The following ULK4 variants were observed in gnomAD, a reference collection of about 807,000 sequenced individuals.
ULK4 encodes the protein unc-51 like kinase 4.
ULK4 carries 133 observed loss-of-function variants against 160.6 expected under a neutral mutation model. The ratio of observed to expected loss-of-function variants is 0.83; its 90% CI spans 0.72 to 0.96. The LOEUF is 0.96. Among genes scored for constraint, ULK4 ranks in the 40% least tolerant of loss-of-function variants. The probability of loss-of-function intolerance (pLI) is 0.00; values close to 1 mark genes in which losing one functional copy is unlikely to be tolerated. For missense variants in ULK4, 1,580 were observed against 1,499.5 expected (o/e 1.05, Z -0.89); for synonymous variants, 534 against 539.8 (o/e 0.99, Z 0.15).
intron 32 of ULK4, among the ~76,000 whole-genome samples, chr3:41,476,695 T>A (rs2084157711): frequency 6.6e-6 from 1 of 152,178 alleles, no homozygotes; most frequent in South Asian, 2.1e-4. Context: ...GTGGCTTAGA[T>A]CAGCTCTGCT....
intron 17 of ULK4, among the ~76,000 whole-genome samples, chr3:41,862,623 G>GTT (rs1399695497): frequency 6.6e-6 from 1 of 152,204 alleles, no homozygotes; most frequent in East Asian, 1.9e-4. Context: ...CCCGTGCCCA[G>GTT]TAACACTGTA....
At chr3:41,648,443 A>G (rs1229961211) in intron 30 of ULK4, among the ~76,000 whole-genome samples, 1 of 152,250 alleles carries the variant, frequency 6.6e-6, no homozygotes, top group Non-Finnish European at 1.5e-5. Flanking sequence ...ACAAGGCCTT[A>G]GGACAATGTT....
chr3:41,747,149 A>G (rs1357182515), intron 22 of ULK4, among the ~76,000 whole-genome samples: 1 of 152,018 alleles, frequency 6.6e-6, no homozygotes, highest in East Asian at 1.9e-4. Context: ...AAAAAATGAT[A>G]AAGTGAACCC....
At chr3:41,750,043 C>T (rs1455819626) in intron 22 of ULK4, among the ~76,000 whole-genome samples, 1 of 152,190 alleles carries the variant, frequency 6.6e-6, no homozygotes, top group Non-Finnish European at 1.5e-5. Context: ...CAAGAACCAG[C>T]GAGCTTGGAA....
intron 22 of ULK4, among the ~76,000 whole-genome samples, chr3:41,735,647 A>G (rs897161689): frequency 6.6e-6 from 1 of 151,532 alleles, no homozygotes; most frequent in African/African-American, 2.4e-5. Context: ...GAGTCAAAAC[A>G]CTACAGTTTT....
chr3:41,450,675 T>A (rs1038938283), intron 34 of ULK4, among the ~76,000 whole-genome samples: 9 of 152,248 alleles, frequency 5.9e-5, no homozygotes, highest in Middle Eastern at 3.2e-3. Flanking sequence ...CACCTCATTC[T>A]GTAACCTATT....
intron 33 of ULK4, among the ~76,000 whole-genome samples, chr3:41,457,757 G>A (rs571200043): frequency 6.6e-6 from 1 of 152,124 alleles, no homozygotes; most frequent in Non-Finnish European, 1.5e-5. Flanking sequence ...CATCATGACT[G>A]TCTGCTCCAT....
intron 34 of ULK4, among the ~76,000 whole-genome samples, chr3:41,431,603 C>T (rs188159935): frequency 6.3e-4 from 80 of 126,398 alleles, no homozygotes; most frequent in African/African-American, 2.5e-3. Flanking sequence ...CATGGTCATT[C>T]ATCTGTTAAT....
At chr3:41,495,474 C>T (rs1265877727) in intron 32 of ULK4, among the ~76,000 whole-genome samples, 5 of 151,520 alleles carry the variant, frequency 3.3e-5, no homozygotes, top group Non-Finnish European at 7.4e-5. Context: ...CCATAAAAAC[C>T]CTAGAAGAAA....
chr3:41,560,924 G>C (rs2087540718), intron 32 of ULK4, among the ~76,000 whole-genome samples: 1 of 152,188 alleles, frequency 6.6e-6, no homozygotes, highest in Non-Finnish European at 1.5e-5. Context: ...GTGAGAGAAG[G>C]CATCCTTGTC....
chr3:41,646,780 A>C (rs371099208), intron 30 of ULK4, among the ~76,000 whole-genome samples: 4 of 151,642 alleles, frequency 2.6e-5, no homozygotes, highest in African/African-American at 4.9e-5. Context: ...TAATATCCTG[A>C]AGAGTGTTTT....
chr3:41,252,080 T>C (rs1160732760), intron 35 of ULK4, among the ~76,000 whole-genome samples: 19 of 152,188 alleles, frequency 1.2e-4, no homozygotes. Context: ...CTGCAAAACC[T>C]GTGAAACCAA....
At chr3:41,477,620 C>G (rs116637169) in intron 32 of ULK4, among the ~76,000 whole-genome samples, 161 of 152,256 alleles carry the variant, frequency 1.1e-3, no homozygotes, top group African/African-American at 3.6e-3. Flanking sequence ...CCACTAAAAC[C>G]AGAAGTCACA....
rs80098588 is a variant in ULK4 at position 41,477,087 on chromosome 3, C to T, written c.3227-13834G>A. Among the ~76,000 whole-genome samples, 12 of 152,278 alleles carry T rather than the reference C, an allele frequency of 7.9e-5. No homozygotes were observed. The East Asian group carries it at 2.3e-3, about 29-fold the overall frequency. On this transcript the variant is annotated intron_variant, in intron 32 of 36. Coordinates refer to ENST00000301831, the MANE Select transcript of ULK4 (RefSeq NM_017886.4). Reference sequence around the variant, plus strand: ...CCACAACAATTTCTTAATATTCCATCCCAACATCTCTAAAAGAAGCCAACA... The same window carrying T: ...CCACAACAATTTCTTAATATTCCATTCCAACATCTCTAAAAGAAGCCAACA...
intron 17 of ULK4, among the ~76,000 whole-genome samples, chr3:41,843,772 G>C (rs555264923): frequency 6.6e-6 from 1 of 152,080 alleles, no homozygotes; most frequent in Non-Finnish European, 1.5e-5. Context: ...CTGCTGGCTC[G>C]GGCAGCCTGC....
chr3:41,825,737 A>G (rs1432907235), intron 18 of ULK4, among the ~76,000 whole-genome samples: 1 of 152,256 alleles, frequency 6.6e-6, no homozygotes, highest in Non-Finnish European at 1.5e-5. Context: ...AACACTCTGC[A>G]GGATATTATC....
At chr3:41,473,231 A>C (rs1310272512) in intron 32 of ULK4, among the ~76,000 whole-genome samples, 1 of 152,230 alleles carries the variant, frequency 6.6e-6, no homozygotes. Flanking sequence ...GTATTAGAAG[A>C]CTTTACCAGA....
At chr3:41,368,895 A>G (rs76131964) in intron 35 of ULK4, among the ~76,000 whole-genome samples, 5,537 of 152,322 alleles carry the variant, frequency 0.036, 272 homozygotes, top group East Asian at 0.19. Context: ...TACTGCTTAA[A>G]AAATTACAAA....
intron 17 of ULK4, among the ~76,000 whole-genome samples, chr3:41,858,153 T>G (rs866374376): frequency 0.17 from 21,256 of 125,144 alleles, 1,647 homozygotes; most frequent in African/African-American, 0.3. Flanking sequence ...GTTTGTTTTT[T>G]TTTTTTTTTT....
Sources: allele counts gnomAD v4.1 joint callset (sites outside exome capture counted in the v4.1 genomes callset), GRCh38; gene constraint gnomAD v4.1.1; transcripts MANE v1.5; gene names NCBI Gene and HGNC (gene_info 2026-07-23, HGNC 2026-07-21).